CCDC149: variants seen among roughly 807,000 people sequenced by gnomAD.
CCDC149 encodes coiled-coil domain-containing protein 149.
A neutral mutation model predicts 59.9 loss-of-function variants in CCDC149; 45 were observed. The observed-to-expected ratio is 0.75, with a 90% CI of 0.59 to 0.96. The LOEUF (loss-of-function observed/expected upper bound fraction) is 0.96. Among genes scored for constraint, CCDC149 ranks in the 40% least tolerant of loss-of-function variants. The pLI is 0.00. For synonymous variants in CCDC149, 245 were observed against 260.6 expected, an observed-to-expected ratio of 0.94 and a Z score of 0.58; for missense variants, 584 against 664.7, an observed-to-expected ratio of 0.88 and a Z score of 1.33.
At chr4:24,923,365 C>T (rs1286144420) in intron 1 of CCDC149, among the ~76,000 whole-genome samples, 3 of 151,950 alleles carry the variant, frequency 2.0e-5, no homozygotes, top group South Asian at 2.1e-4. Context: ...TAGGACTAGT[C>T]GGAAAGACAA....
At chr4:24,938,673 G>A (rs1384936362) in intron 1 of CCDC149, among the ~76,000 whole-genome samples, 1 of 151,060 alleles carries the variant, frequency 6.6e-6, no homozygotes, top group African/African-American at 2.4e-5. Flanking sequence ...GACAGCACCT[G>A]GAAAATTGGG....
At chr4:24,940,342 T>G in intron 1 of CCDC149, among the ~76,000 whole-genome samples, 1 of 152,220 alleles carries the variant, frequency 6.6e-6, no homozygotes. Context: ...GACAAGCAAA[T>G]GCTGAGAGAT....
chr4:24,879,169 T>C (rs1284417687), intron 1 of CCDC149, among the ~76,000 whole-genome samples: 1 of 152,184 alleles, frequency 6.6e-6, no homozygotes, highest in African/African-American at 2.4e-5. Flanking sequence ...ATCTTCCCTG[T>C]AGTTCTGCCA....
intron 1 of CCDC149, among the ~76,000 whole-genome samples, chr4:24,948,249 C>CA (rs1723179750): frequency 6.6e-6 from 1 of 152,214 alleles, no homozygotes. Context: ...GATTTGCCAT[C>CA]AGGTGACAAG....
intron 1 of CCDC149, among the ~76,000 whole-genome samples, chr4:24,936,316 T>TTTG (rs1279375408): frequency 2.0e-5 from 3 of 152,030 alleles, no homozygotes; most frequent in African/African-American, 7.2e-5. Context: ...CCACATATTT[T>TTTG]TATAATGATT....
At chr4:24,822,016 A>G (rs1175990387) in intron 10 of CCDC149, among the ~76,000 whole-genome samples, 1 of 152,140 alleles carries the variant, frequency 6.6e-6, no homozygotes, top group Non-Finnish European at 1.5e-5. Flanking sequence ...AGTACTGGTG[A>G]TTAAATTGGA....
At chr4:24,977,778 T>C (rs1397882002) in intron 1 of CCDC149, among the ~76,000 whole-genome samples, 1 of 152,214 alleles carries the variant, frequency 6.6e-6, no homozygotes, top group Non-Finnish European at 1.5e-5. Context: ...ATAATATGCA[T>C]GTGAAAGCAT....
chr4:24,937,220 T>C (rs1044235774), intron 1 of CCDC149, among the ~76,000 whole-genome samples: 1 of 152,154 alleles, frequency 6.6e-6, no homozygotes, highest in Non-Finnish European at 1.5e-5. Context: ...CAGGAATAAA[T>C]GGAACTCAGG....
chr4:24,967,665 C>T (rs1164785654), intron 1 of CCDC149, among the ~76,000 whole-genome samples: 3 of 150,600 alleles, frequency 2.0e-5, no homozygotes, highest in Non-Finnish European at 4.4e-5. Flanking sequence ...CTAGTTGCCA[C>T]AGACTTAGTC....
intron 1 of CCDC149, among the ~76,000 whole-genome samples, chr4:24,969,552 A>G (rs981526940): frequency 1.3e-5 from 2 of 152,198 alleles, no homozygotes; most frequent in African/African-American, 4.8e-5. Context: ...GGTTACCCTC[A>G]TATGTCACAC....
At chr4:24,912,674 G>T in intron 1 of CCDC149, 143 bp downstream of exon 1, 1 of 404,176 alleles carries the variant, frequency 2.5e-6, no homozygotes, top group Non-Finnish European at 3.7e-6. Flanking sequence ...ACCTGGCGGG[G>T]TCGCGCGGGT....
In CCDC149 at chr4:24,807,718, C is replaced by T. The variant is rs1714298313; in HGVS notation, c.*671G>A. 1 of 152,306 alleles carries T rather than the reference C, an allele frequency of 6.6e-6. No homozygotes were observed. The highest frequency in any genetic ancestry group is 2.1e-4 in the South Asian group (1 of 4,836). 9.4% of individuals were successfully genotyped at this position (152,306 alleles called of 1,614,324 possible). ...TTCTCCAGATTTACAAGCTAGAAAA[C>T]TCCAGCTCTGGCACTCAGCACACAG... On this transcript the variant is annotated 3_prime_UTR_variant, in exon 13 of 13. Transcript: ENST00000635206.
intron 1 of CCDC149, among the ~76,000 whole-genome samples, chr4:24,901,602 T>C (rs1313186902): frequency 6.6e-6 from 1 of 152,182 alleles, no homozygotes; most frequent in Non-Finnish European, 1.5e-5. Flanking sequence ...TTAATAAACT[T>C]ACTCTGAAAT....
At chr4:24,951,167 G>C (rs1285929602) in intron 1 of CCDC149, among the ~76,000 whole-genome samples, 4 of 152,228 alleles carry the variant, frequency 2.6e-5, no homozygotes, top group Non-Finnish European at 5.9e-5. Context: ...GGCAGCAAGT[G>C]ACAGATCCCA....
At chr4:24,943,461 C>T (rs960073944) in intron 1 of CCDC149, among the ~76,000 whole-genome samples, 3 of 152,074 alleles carry the variant, frequency 2.0e-5, no homozygotes, top group Middle Eastern at 3.4e-3. Flanking sequence ...ACCATAAAAA[C>T]CCTAGAAGAA....
intron 12 of CCDC149, among the ~76,000 whole-genome samples, chr4:24,817,009 C>T (rs1329041743): frequency 2.0e-5 from 3 of 152,098 alleles, no homozygotes; most frequent in Admixed American, 6.6e-5. Flanking sequence ...CTGACAGCCA[C>T]GGCGTAAACA....
At chr4:24,826,820 C>G (rs1438537380) in intron 9 of CCDC149, 1 of 152,172 alleles carries the variant, frequency 6.6e-6, no homozygotes, top group Non-Finnish European at 1.5e-5. Flanking sequence ...TGGGCTGAGA[C>G]AGAAGCAGAC....
At chr4:24,860,541 C>G (rs1368772521) in intron 3 of CCDC149, among the ~76,000 whole-genome samples, 1 of 152,080 alleles carries the variant, frequency 6.6e-6, no homozygotes, top group Admixed American at 6.5e-5. Flanking sequence ...TAGGCAAATA[C>G]ATCATGACCA....
At chr4:24,893,563 G>C (rs1159109175) in intron 1 of CCDC149, among the ~76,000 whole-genome samples, 1 of 144,058 alleles carries the variant, frequency 6.9e-6, no homozygotes, top group Non-Finnish European at 1.5e-5. Flanking sequence ...TATGTAGTTA[G>C]GGTTTTAAGT....
Sources: allele counts gnomAD v4.1 joint callset (sites outside exome capture counted in the v4.1 genomes callset), GRCh38; gene constraint gnomAD v4.1.1; transcripts MANE v1.5; gene names NCBI Gene and HGNC (gene_info 2026-07-23, HGNC 2026-07-21).